Variants in KMT2C observed in about 807,000 individuals in gnomAD.
The protein encoded by KMT2C is lysine methyltransferase 2C.
A neutral mutation model predicts 507.9 loss-of-function variants in KMT2C; 88 were observed. The ratio of observed to expected loss-of-function variants is 0.17; its 90% CI spans 0.15 to 0.21. The LOEUF (loss-of-function observed/expected upper bound fraction) is 0.21, where lower values mean the gene tolerates loss of function less well. Among genes scored for constraint, KMT2C ranks in the 10% least tolerant of loss-of-function variants. The pLI, the probability that KMT2C is intolerant of heterozygous loss-of-function variation, is 1.00. For missense variants in KMT2C, 4,954 were observed against 5,957.8 expected, an observed-to-expected ratio of 0.83 and a Z score of 5.55; for synonymous variants, 2,049 against 2,080.8, an observed-to-expected ratio of 0.98 and a Z score of 0.42.
chr7:152,280,391 A>G (rs565223446), intron 6 of KMT2C, among the ~76,000 whole-genome samples: 1 of 142,790 alleles, frequency 7.0e-6, no homozygotes, highest in Non-Finnish European at 1.5e-5. Context: ...AAATAAAAAT[A>G]AAAAAAAAAA....
chr7:152,249,484 CA>C (rs1000641425), intron 13 of KMT2C, among the ~76,000 whole-genome samples: 20 of 151,528 alleles, frequency 1.3e-4, no homozygotes, highest in Non-Finnish European at 7.4e-5. Context: ...TCACCATCCC[CA>C]GATACTTTTT....
Position 152,263,264 on chromosome 7 carries a change from T to C in KMT2C, c.1185-134A>G, listed in dbSNP as rs923868511. On this transcript the variant is annotated intron_variant, in intron 8 of 58. Coordinates refer to ENST00000262189, the MANE Select transcript of KMT2C (RefSeq NM_170606.3). ...TCAGTATCTGTTTTGTCTCTGCAGA[T>C]AGTAACAGAGGTAACCCTGCCATAA... 1.2e-4 allele frequency: 80 copies of C among 678,766 alleles called. No individual in the cohort carries two copies. In the African/African-American group the frequency reaches 1.2e-3, roughly 11 times the overall value. The allele number at this position is 678,766 out of a possible 1,614,324, so 42.0% of individuals were successfully genotyped here. A position where few individuals can be genotyped will look rare whatever the true frequency, so the allele number is the denominator to read the frequency against.
At chr7:152,338,442 G>A (rs1231395748) in intron 2 of KMT2C, among the ~76,000 whole-genome samples, 1 of 152,142 alleles carries the variant, frequency 6.6e-6, no homozygotes, top group African/African-American at 2.4e-5. Flanking sequence ...CAATAATGAT[G>A]ATGCTGGTAA....
intron 14 of KMT2C, among the ~76,000 whole-genome samples, chr7:152,241,614 A>G (rs1211235967): frequency 6.6e-6 from 1 of 152,144 alleles, no homozygotes; most frequent in Admixed American, 6.5e-5. Flanking sequence ...TCATTGCATC[A>G]CCACCTAGGA....
chr7:152,402,746 A>T (rs76728711), intron 1 of KMT2C: 3,283 of 120,124 alleles, frequency 0.027, no homozygotes, highest in South Asian at 0.071. Context: ...AATCCCATCA[A>T]AAAGTAAGCA....
At chr7:152,178,740 G>A (rs2093320662) in intron 37 of KMT2C, among the ~76,000 whole-genome samples, 2 of 152,092 alleles carry the variant, frequency 1.3e-5, no homozygotes, top group African/African-American at 4.8e-5. Context: ...TACAACTAAG[G>A]TAGAAGAAAA....
intron 1 of KMT2C, among the ~76,000 whole-genome samples, chr7:152,370,976 C>T (rs1332322224): frequency 6.6e-6 from 1 of 152,154 alleles, no homozygotes; most frequent in Non-Finnish European, 1.5e-5. Flanking sequence ...AGGTCACCAC[C>T]ATTAGACCTG....
intron 24 of KMT2C, among the ~76,000 whole-genome samples, chr7:152,206,966 C>G (rs532805589): frequency 6.6e-6 from 1 of 152,210 alleles, no homozygotes; most frequent in African/African-American, 2.4e-5. Flanking sequence ...AAAAGCGTTA[C>G]AGAAGTACAC....
intron 56 of KMT2C, 72 bp downstream of exon 56, chr7:152,139,603 G>A (rs779141546): frequency 3.0e-6 from 3 of 997,600 alleles, no homozygotes; most frequent in Admixed American, 1.8e-5. Flanking sequence ...GCCTTCCAGG[G>A]TGTCTGGCTG....
At chr7:152,367,297 TC>T in intron 1 of KMT2C, 1 of 1,171,330 alleles carries the variant, frequency 8.5e-7, no homozygotes, top group Non-Finnish European at 1.2e-6. Flanking sequence ...ATTCCAAGTT[TC>T]CCAGCTGGAG....
At chr7:152,369,079 T>C (rs1042107409) in intron 1 of KMT2C, among the ~76,000 whole-genome samples, 4 of 151,904 alleles carry the variant, frequency 2.6e-5, no homozygotes, top group African/African-American at 9.7e-5. Context: ...TCCCAGCACT[T>C]TGGAAGGCCA....
rs1403998874 is a variant in KMT2C at position 152,320,251 on chromosome 7, T to A, written c.390-4913A>T. Among the ~76,000 whole-genome samples the A allele has an allele frequency of 3.9e-5, 6 of 152,188 alleles. No homozygotes were observed. The East Asian group carries it at 1.2e-3, about 29-fold the overall frequency. ...AAAACACATCTGGTCCCAAACATTTTGTTTTTGTTTTTTTTGAGATGGAGT... is the reference window on the plus strand; with the variant it reads ...AAAACACATCTGGTCCCAAACATTTAGTTTTTGTTTTTTTTGAGATGGAGT... On this transcript the variant is annotated intron_variant, in intron 3 of 58. Coordinates refer to ENST00000262189, the MANE Select transcript of KMT2C (RefSeq NM_170606.3).
chr7:152,222,517 A>T, intron 21 of KMT2C, 56 bp downstream of exon 21: 1 of 854,348 alleles, frequency 1.2e-6, no homozygotes, highest in South Asian at 1.5e-5. Context: ...TATGGACAGT[A>T]AGGTGCAAGT....
intron 2 of KMT2C, among the ~76,000 whole-genome samples, chr7:152,356,634 T>C (rs967068373): frequency 6.6e-6 from 1 of 151,362 alleles, no homozygotes; most frequent in African/African-American, 2.4e-5. Context: ...CTCACGCCTG[T>C]AATCTCAGCA....
At chr7:152,365,820 G>A (rs2097238345) in intron 1 of KMT2C, among the ~76,000 whole-genome samples, 1 of 152,028 alleles carries the variant, frequency 6.6e-6, no homozygotes, top group Non-Finnish European at 1.5e-5. Context: ...ATATAATTAG[G>A]TCTAAAATAG....
At chr7:152,179,726 C>T (rs918553947) in intron 37 of KMT2C, 108 bp downstream of exon 37, 7 of 1,016,086 alleles carry the variant, frequency 6.9e-6, no homozygotes, top group Admixed American at 6.4e-5. Context: ...CTCAAGCAAT[C>T]CTCCTGCCTC....
At chr7:152,232,247 A>G (rs1439782054) in intron 16 of KMT2C, among the ~76,000 whole-genome samples, 1 of 152,236 alleles carries the variant, frequency 6.6e-6, no homozygotes, top group East Asian at 1.9e-4. Context: ...AACCCTAATG[A>G]CTACAAGTGT....
intron 1 of KMT2C, among the ~76,000 whole-genome samples, chr7:152,359,650 G>GT (rs1487881917): frequency 2.6e-5 from 4 of 150,960 alleles, no homozygotes; most frequent in Non-Finnish European, 5.9e-5. Context: ...TGGCGTGCCA[G>GT]TAATTCCAGC....
intron 39 of KMT2C, 22 bp from the exon 40 acceptor site, chr7:152,171,364 G>C (rs2092956752): frequency 3.3e-6 from 5 of 1,504,296 alleles, no homozygotes; most frequent in Non-Finnish European, 4.6e-6. Flanking sequence ...GGGTACACAA[G>C]TATCAAGTGA....
Sources: gnomAD v4.1 joint callset for allele counts (sites outside exome capture counted in the v4.1 genomes callset) on GRCh38, gnomAD v4.1.1 for gene constraint, MANE v1.5 for transcripts, NCBI Gene and HGNC (gene_info 2026-07-23, HGNC 2026-07-21) for gene names.